The following SUCLG1 variants were observed in gnomAD, a reference collection of about 807,000 sequenced individuals.
The protein encoded by SUCLG1 is succinate--CoA ligase [ADP/GDP-forming] subunit alpha, mitochondrial.
Under a neutral mutation model 37.3 loss-of-function variants are expected in SUCLG1, and 26 were observed. The ratio of observed to expected loss-of-function variants is 0.70; its 90% confidence interval spans 0.51 to 0.97. The LOEUF is 0.97. Among genes scored for constraint, SUCLG1 ranks in the 50% least tolerant of loss-of-function variants. SUCLG1 has a pLI of 0.00. For synonymous variants in SUCLG1, 163 were observed against 155.6 expected, an observed-to-expected ratio of 1.05 and a Z score of -0.36; for missense variants, 433 against 432.9, an observed-to-expected ratio of 1.00 and a Z score of 0.00.
chr2:84,448,664 A>G (rs1265034413), intron 2 of SUCLG1, among the ~76,000 whole-genome samples: 1 of 152,004 alleles, frequency 6.6e-6, no homozygotes, highest in Non-Finnish European at 1.5e-5. Context: ...AATTCTGTGC[A>G]TCTACTATGG....
chr2:84,452,473 A>C (rs2104267044), intron 1 of SUCLG1, among the ~76,000 whole-genome samples: 2 of 152,324 alleles, frequency 1.3e-5, no homozygotes, highest in East Asian at 3.9e-4. Context: ...TTACACAGTC[A>C]AGAATTCCTA....
rs536324354 is a variant in SUCLG1 at position 84,450,977 on chromosome 2, C to T, written c.98-1225G>A. On this transcript the variant is annotated intron_variant, in intron 1 of 8. Transcript: ENST00000393868. ...ATACTAGACTGTGCTCAACAAGGGG[C>T]CATGGGCTTTGCAGGTCAAGTTCTG... Among the ~76,000 whole-genome samples, 7 of 152,318 alleles carry T rather than the reference C, an allele frequency of 4.6e-5. No homozygotes were observed. The South Asian group carries it at 1.4e-3, about 32-fold the overall frequency.
In SUCLG1 at chr2:84,443,377, T is replaced by A; in HGVS notation, c.225A>T (p.Ala75=). The change falls in exon 3 of 9, where the codon GCA becomes GCT. Residue 75 remains alanine, a synonymous_variant. Transcript: ENST00000393868. ...CAACGAGTTTGGTGCCATATTCCAA[T>A]GCCTGCTGGCTGTGAAAGGTGCCCT... ...GKQGTFHSQQ[A]LEYGTKLVGG... 1 of 1,614,110 alleles carries A rather than the reference T, an allele frequency of 6.2e-7. No individual in the cohort carries two copies. The highest frequency in any genetic ancestry group is 8.5e-7 in the Non-Finnish European group (1 of 1,179,972).
intron 2 of SUCLG1, among the ~76,000 whole-genome samples, chr2:84,446,400 A>C (rs1046797996): frequency 2.6e-5 from 4 of 152,214 alleles, no homozygotes; most frequent in Non-Finnish European, 5.9e-5. Flanking sequence ...AAATGAACGA[A>C]TCTATGTGAT....
rs1672667230 is a variant in SUCLG1, at chr2:84,435,114, C to A, written c.590-1679G>T. 2.0e-5 allele frequency among the ~76,000 whole-genome samples: 3 copies of A among 152,168 alleles called. No homozygotes were observed. In the South Asian group the frequency reaches 6.2e-4, roughly 32 times the overall value. ...TCTCCAGACTTGTTTCTTACTATTT[C>A]CCTACCTAGTGAAACTGGGTTATTC... On this transcript the variant is annotated intron_variant, in intron 5 of 8. Coordinates refer to ENST00000393868, the MANE Select transcript of SUCLG1 (RefSeq NM_003849.4).
chr2:84,451,372 GT>G (rs1672939384), intron 1 of SUCLG1, among the ~76,000 whole-genome samples: 1 of 152,202 alleles, frequency 6.6e-6, no homozygotes, highest in African/African-American at 2.4e-5. Context: ...GATATCTGGA[GT>G]CCCTACTTGT....
At chr2:84,450,741 ACTCCATG>A (rs1014514010) in intron 1 of SUCLG1, among the ~76,000 whole-genome samples, 13 of 152,158 alleles carry the variant, frequency 8.5e-5, no homozygotes, top group Admixed American at 3.3e-4. Flanking sequence ...CCCAGAGTCC[ACTCCATG>A]CTTTCTGCCT....
chr2:84,442,613 C>A (rs796505401), intron 3 of SUCLG1, among the ~76,000 whole-genome samples: 3 of 151,984 alleles, frequency 2.0e-5, no homozygotes, highest in Admixed American at 6.5e-5. Flanking sequence ...CTTTTTGTAT[C>A]GTCTGAATTT....
Position 84,431,623 on chromosome 2 carries a change from A to G in SUCLG1, c.710T>C (p.Ile237Thr), listed in dbSNP as rs1367167069. Residue 237 changes from isoleucine (I) to threonine (T), a missense_variant, in exon 7 of 9, where the codon ATT becomes ACT. Coordinates refer to ENST00000393868, the MANE Select transcript of SUCLG1 (RefSeq NM_003849.4). Reference sequence around the variant, plus strand: ...GTTCAAAAAGATTTCGAGGCAGTCAATAAAATCTGTTCCATTAAAAGGATC... The same window carrying G: ...GTTCAAAAAGATTTCGAGGCAGTCAGTAAAATCTGTTCCATTAAAAGGATC... Reference protein sequence around the residue: ...GGDPFNGTDFIDCLEIFLNDS... With the variant: ...GGDPFNGTDFTDCLEIFLNDS... 5.0e-6 allele frequency: 8 copies of G among 1,613,920 alleles called. No homozygotes were observed. Among genetic ancestry groups the G allele is most frequent in the Middle Eastern group, 1.6e-4 (1 of 6,082 alleles).
In SUCLG1 at chr2:84,443,324, T is replaced by G; in HGVS notation, c.278A>C (p.Gln93Pro). ...AAAGACAGGTAAGCCCAGATGTGTCTGGCCTCCTTTCCCTGGAGTGGTTCC... is the reference window on the plus strand; with the variant it reads ...AAAGACAGGTAAGCCCAGATGTGTCGGGCCTCCTTTCCCTGGAGTGGTTCC... ...VGGTTPGKGGQTHLGLPVFNT... is the reference protein window; with the variant it reads ...VGGTTPGKGGPTHLGLPVFNT... The change falls in exon 3 of 9, where the codon CAG (glutamine) becomes CCG (proline). Residue 93 changes from glutamine to proline, a missense_variant. Physicochemically the swap from Gln to Pro is moderately conservative, Grantham distance 76 (BLOSUM62 -1). Coordinates refer to ENST00000393868, the MANE Select transcript of SUCLG1 (RefSeq NM_003849.4). 1 of 1,614,210 alleles carries G rather than the reference T, an allele frequency of 6.2e-7. No individual in the cohort carries two copies. The highest frequency in any genetic ancestry group is 8.5e-7 in the Non-Finnish European group (1 of 1,180,014).
intron 5 of SUCLG1, among the ~76,000 whole-genome samples, chr2:84,438,099 T>C (rs1672714564): frequency 6.6e-6 from 1 of 152,176 alleles, no homozygotes; most frequent in Non-Finnish European, 1.5e-5. Context: ...AAGGGTAACA[T>C]GAAGGATACT....
At chr2:84,450,804 T>G (rs1255253323) in intron 1 of SUCLG1, among the ~76,000 whole-genome samples, 2 of 152,214 alleles carry the variant, frequency 1.3e-5, no homozygotes, top group Non-Finnish European at 2.9e-5. Flanking sequence ...TCACATTACA[T>G]AACTGAAAGA....
intron 5 of SUCLG1, chr2:84,433,732 A>T (rs1178424453): frequency 9.6e-6 from 4 of 417,796 alleles, no homozygotes; most frequent in Non-Finnish European, 1.8e-5. Context: ...ATCTTTATGA[A>T]GAAGCTAGTA....
At position 84,449,730 on chromosome 2, in the gene SUCLG1, A is replaced by G. The variant is rs770709899; in HGVS notation, c.120T>C (p.His40=). 9 of 1,603,168 alleles carry G rather than the reference A, an allele frequency of 5.6e-6. No homozygotes were observed. The highest frequency in any genetic ancestry group is 7.7e-6 in the Non-Finnish European group (9 of 1,174,864). ...SFLLPQNGIR[H]CSYTASRQHL... ...GTTGCCGAGAAGCTGTGTAGGAACA[A>G]TGCCGAATTCCATTCTGCGGCACTA... Residue 40 remains histidine, a synonymous_variant, in exon 2 of 9, where the codon CAT becomes CAC. Transcript: ENST00000393868.
At chr2:84,450,744 C>T (rs1178323469) in intron 1 of SUCLG1, among the ~76,000 whole-genome samples, 1 of 152,158 alleles carries the variant, frequency 6.6e-6, no homozygotes. Flanking sequence ...AGAGTCCACT[C>T]CATGCTTTCT....
chr2:84,451,134 T>C (rs1336184630), intron 1 of SUCLG1, among the ~76,000 whole-genome samples: 1 of 152,188 alleles, frequency 6.6e-6, no homozygotes, highest in East Asian at 1.9e-4. Context: ...AGACCCATTC[T>C]TGCCCTTGGC....
intron 8 of SUCLG1, among the ~76,000 whole-genome samples, chr2:84,424,564 AAAG>A (rs1672503892): frequency 2.0e-5 from 3 of 152,212 alleles, no homozygotes; most frequent in African/African-American, 7.2e-5. Context: ...AGACAAGGGC[AAAG>A]AAGACCACCA....
At chr2:84,427,241 C>T (rs1448973937) in intron 7 of SUCLG1, among the ~76,000 whole-genome samples, 4 of 152,188 alleles carry the variant, frequency 2.6e-5, no homozygotes, top group Non-Finnish European at 5.9e-5. Context: ...TAAATGACTG[C>T]CTTACAGATA....
At position 84,449,762 on chromosome 2, in the gene SUCLG1, TAAAAAAAAAAAAAA is replaced by T. The variant is rs56733272; in HGVS notation, c.98-24_98-11del. On this transcript the variant is annotated splice_polypyrimidine_tract_variant and intron_variant, in intron 1 of 8. Coordinates refer to ENST00000393868, the MANE Select transcript of SUCLG1 (RefSeq NM_003849.4). ...ATTCCATTCTGCGGCACTAAGAGGT[TAAAAAAAAAAAAAA>T]AAAAAAAAAAAGACACATTATAATT... The T allele has an allele frequency of 4.5e-5, 36 of 792,092 alleles. No homozygotes were observed. Among genetic ancestry groups the T allele is most frequent in the Non-Finnish European group, 5.7e-5 (31 of 543,848 alleles). The allele number at this position is 792,092 out of a possible 1,614,324, so 49.1% of individuals were successfully genotyped here.
Sources: gnomAD v4.1 joint callset for allele counts (sites outside exome capture counted in the v4.1 genomes callset) on GRCh38, gnomAD v4.1.1 for gene constraint, MANE v1.5 for transcripts, NCBI Gene and HGNC (gene_info 2026-07-23, HGNC 2026-07-21) for gene names.